MEOX1: variants seen among roughly 807,000 people sequenced by gnomAD.
MEOX1 encodes homeobox protein MOX-1.
A neutral mutation model predicts 23.2 loss-of-function variants in MEOX1; 17 were observed. That is an observed-to-expected ratio of 0.73 (90% CI 0.50 to 1.10). The LOEUF (loss-of-function observed/expected upper bound fraction) is 1.10. MEOX1 is among the 50% of genes least tolerant of loss of function. The pLI, the probability that MEOX1 is intolerant of heterozygous loss-of-function variation, is 0.00. For synonymous variants in MEOX1, 134 were observed against 135.1 expected (o/e 0.99, Z 0.06); for missense variants, 333 against 332.2 (o/e 1.00, Z -0.02).
chr17:43,646,759 T>A (rs536618217), intron 1 of MEOX1, among the ~76,000 whole-genome samples: 3 of 152,190 alleles, frequency 2.0e-5, no homozygotes, highest in African/African-American at 7.2e-5. Context: ...GCGGATCACC[T>A]GAGATCGGGA....
chr17:43,658,877 A>C (rs572397005), intron 1 of MEOX1, among the ~76,000 whole-genome samples: 3 of 152,338 alleles, frequency 2.0e-5, no homozygotes, highest in East Asian at 3.9e-4. Context: ...GAGTCAGCTC[A>C]CTGGGCCCTG....
intron 1 of MEOX1, among the ~76,000 whole-genome samples, chr17:43,657,020 T>TTCTTTCTG (rs1427142709): frequency 8.2e-6 from 1 of 122,370 alleles, no homozygotes; most frequent in Non-Finnish European, 1.8e-5. Flanking sequence ...TTCTCTTTCT[T>TTCTTTCTG]TCTTTCTTTC....
intron 1 of MEOX1, among the ~76,000 whole-genome samples, chr17:43,646,646 C>T (rs1025771998): frequency 6.6e-6 from 1 of 152,136 alleles, no homozygotes; most frequent in Non-Finnish European, 1.5e-5. Context: ...TATTGGAAGA[C>T]CGAACGAGTT....
At chr17:43,642,733 CT>C (rs1180162993) in intron 2 of MEOX1, among the ~76,000 whole-genome samples, 11 of 152,150 alleles carry the variant, frequency 7.2e-5, no homozygotes, top group African/African-American at 2.2e-4. Context: ...CAGGAACCAG[CT>C]GCATATCCAG....
In MEOX1 at chr17:43,661,611, C is replaced by CA. The variant is rs1334676798; in HGVS notation, c.-78dup. The CA allele has an allele frequency of 1.2e-6, 1 of 830,034 alleles. No homozygotes were observed. The highest frequency in any genetic ancestry group is 5.1e-5 in the Admixed American group (1 of 19,730). The allele number at this position is 830,034 out of a possible 1,614,324, so 51.4% of individuals were successfully genotyped here. ...TTTTATGTTCAAATTTTTAAAAATGCAAAAGAAAAAAAACTAAATAGGAGG... is the reference window on the plus strand; with the variant it reads ...TTTTATGTTCAAATTTTTAAAAATGCAAAAAGAAAAAAAACTAAATAGGAGG... On this transcript the variant is annotated 5_prime_UTR_variant, in exon 1 of 3. Coordinates refer to ENST00000318579, the MANE Select transcript of MEOX1 (RefSeq NM_004527.4).
chr17:43,646,261 G>T (rs1972812155), intron 1 of MEOX1, among the ~76,000 whole-genome samples: 1 of 152,158 alleles, frequency 6.6e-6, no homozygotes, highest in African/African-American at 2.4e-5. Context: ...CCGGGCCGGG[G>T]TCCCCGAGGA....
intron 1 of MEOX1, among the ~76,000 whole-genome samples, chr17:43,646,848 G>A (rs530774369): frequency 6.6e-6 from 1 of 152,130 alleles, no homozygotes; most frequent in Non-Finnish European, 1.5e-5. Context: ...TTAGCTGGGC[G>A]TGGTGGCTCA....
intron 1 of MEOX1, among the ~76,000 whole-genome samples, chr17:43,649,530 C>G (rs551185241): frequency 6.6e-6 from 1 of 152,322 alleles, no homozygotes; most frequent in South Asian, 2.1e-4. Flanking sequence ...TCGTCTCGAA[C>G]TCCTGACCTC....
At chr17:43,645,228 G>C (rs889840519) in intron 1 of MEOX1, among the ~76,000 whole-genome samples, 2 of 140,588 alleles carry the variant, frequency 1.4e-5, no homozygotes, top group Non-Finnish European at 3.0e-5. Context: ...CAAGGCTAGA[G>C]TGCAGTGGTG....
At chr17:43,644,135 G>A (rs1184473985) in intron 1 of MEOX1, among the ~76,000 whole-genome samples, 1 of 152,182 alleles carries the variant, frequency 6.6e-6, no homozygotes, top group Non-Finnish European at 1.5e-5. Context: ...AAACTCTGGG[G>A]ATGGCACTCA....
chr17:43,647,511 G>C (rs1175947217), intron 1 of MEOX1, among the ~76,000 whole-genome samples: 1 of 152,182 alleles, frequency 6.6e-6, no homozygotes, highest in East Asian at 1.9e-4. Context: ...TCTCCTGGCT[G>C]GCTGGCTCAG....
At position 43,661,542 on chromosome 17, in the gene MEOX1, C is replaced by T; in HGVS notation, c.-8G>A. On this transcript the variant is annotated 5_prime_UTR_variant, in exon 1 of 3. Transcript: ENST00000318579. ...GCTGGCCGCGGGATCCATCTGCTGT[C>T]CGCTGCACGCCTCGGTCCTTTCAAA... is the stretch of plus-strand genomic sequence containing the variant. 2 of 1,489,156 alleles carry T rather than the reference C, an allele frequency of 1.3e-6. No individual in the cohort carries two copies. Among genetic ancestry groups the T allele is most frequent in the Non-Finnish European group, 1.8e-6 (2 of 1,109,434 alleles). 92.2% of individuals were successfully genotyped at this position (1,489,156 alleles called of 1,614,324 possible). A position where few individuals can be genotyped will look rare whatever the true frequency, so the allele number is the denominator to read the frequency against.
At chr17:43,648,531 A>C (rs1291431735) in intron 1 of MEOX1, among the ~76,000 whole-genome samples, 2 of 151,760 alleles carry the variant, frequency 1.3e-5, no homozygotes, top group Non-Finnish European at 2.9e-5. Flanking sequence ...GTCTGTTCCC[A>C]GGATAGTACA....
chr17:43,656,491 A>C (rs1331061490), intron 1 of MEOX1, among the ~76,000 whole-genome samples: 1 of 152,070 alleles, frequency 6.6e-6, no homozygotes, highest in Non-Finnish European at 1.5e-5. Flanking sequence ...CCTTAGGCAA[A>C]TTTGTGGTTG....
Position 43,654,021 on chromosome 17 carries a change from G to C in MEOX1, c.469+7045C>G, listed in dbSNP as rs190182130. Among the ~76,000 whole-genome samples the C allele has an allele frequency of 5.1e-3, 773 of 152,278 alleles. 7 individuals are homozygous for C. The highest frequency in any genetic ancestry group is 0.033 in the South Asian group (161 of 4,824). On this transcript the variant is annotated intron_variant, in intron 1 of 2. Coordinates refer to ENST00000318579, the MANE Select transcript of MEOX1 (RefSeq NM_004527.4). The stretch of plus-strand genomic sequence containing the variant: ...GGGTCTGTGCCACAGTTTGAACCTT[G>C]TCCCTTGTTCCTGTCCCCGTACAGT...
intron 2 of MEOX1, among the ~76,000 whole-genome samples, chr17:43,643,171 G>A (rs1290992343): frequency 6.6e-6 from 1 of 152,158 alleles, no homozygotes; most frequent in African/African-American, 2.4e-5. Flanking sequence ...AAATTAGCCG[G>A]GCGTGGTGGC....
chr17:43,656,881 G>A (rs1973029405), intron 1 of MEOX1, among the ~76,000 whole-genome samples: 1 of 152,182 alleles, frequency 6.6e-6, no homozygotes, highest in Admixed American at 6.5e-5. Flanking sequence ...TTGGCCTGGG[G>A]CTGGGAGTGG....
intron 2 of MEOX1, among the ~76,000 whole-genome samples, chr17:43,642,884 G>A (rs1972723651): frequency 6.6e-6 from 1 of 152,228 alleles, no homozygotes; most frequent in African/African-American, 2.4e-5. Flanking sequence ...GGAATAGCCA[G>A]ACCGTAGGTC....
At chr17:43,643,011 T>C (rs1437800252) in intron 2 of MEOX1, among the ~76,000 whole-genome samples, 1 of 152,110 alleles carries the variant, frequency 6.6e-6, no homozygotes, top group Non-Finnish European at 1.5e-5. Flanking sequence ...ATCAGCACTA[T>C]TAAAATCTCC....
Sources: allele counts gnomAD v4.1 joint callset (sites outside exome capture counted in the v4.1 genomes callset), GRCh38; gene constraint gnomAD v4.1.1; transcripts MANE v1.5; gene names NCBI Gene and HGNC (gene_info 2026-07-23, HGNC 2026-07-21).